SPEG: variants seen among roughly 807,000 people sequenced by gnomAD.
The protein encoded by SPEG is striated muscle enriched protein kinase, also known as striated muscle preferentially expressed protein kinase.
Under a neutral mutation model 300.4 loss-of-function variants are expected in SPEG, and 114 were observed. The ratio of observed to expected loss-of-function variants is 0.38; its 90% CI spans 0.33 to 0.44. SPEG has a LOEUF of 0.44. Ranked by LOEUF, SPEG falls within the 20% of genes least tolerant of loss-of-function variation. The pLI, the probability that SPEG is intolerant of heterozygous loss-of-function variation, is 1.00. For missense variants in SPEG, 4,201 were observed against 4,586.2 expected (o/e 0.92, Z 2.43); for synonymous variants, 1,964 against 2,018.9 (o/e 0.97, Z 0.73).
Position 219,486,631 on chromosome 2 carries a change from C to T in SPEG, c.7741+1154C>T, listed in dbSNP as rs185668805. Among the ~76,000 whole-genome samples the T allele has an allele frequency of 1.6e-4, 25 of 152,304 alleles. 1 individual carries two copies. In the East Asian group the frequency reaches 4.1e-3, roughly 25 times the overall value. ...TCCCGGCCCAGTTTTGCTTATGCAG[C>T]TGATTTCCTGCTGAGGCAGTGTCCC... On this transcript the variant is annotated intron_variant, in intron 31 of 40. Coordinates refer to ENST00000312358, the MANE Select transcript of SPEG (RefSeq NM_005876.5).
At position 219,472,993 on chromosome 2, in the gene SPEG, G is replaced by T; in HGVS notation, c.4044G>T (p.Gly1348=). 3 of 1,614,002 alleles carry T rather than the reference G, an allele frequency of 1.9e-6. No individual in the cohort carries two copies. Among genetic ancestry groups the T allele is most frequent in the Non-Finnish European group, 2.5e-6 (3 of 1,180,024 alleles). Residue 1348 remains glycine, a synonymous_variant, in exon 16 of 41, where the codon GGG becomes GGT. Transcript: ENST00000312358. ...GLREPGWAAT[G]LRKGVQHIFR... Reference sequence around the variant, plus strand: ...GGGAGCCAGGGTGGGCAGCCACAGGGCTGCGTAAGGGGGTCCAGCACATCT... The same window carrying T: ...GGGAGCCAGGGTGGGCAGCCACAGGTCTGCGTAAGGGGGTCCAGCACATCT...
Position 219,473,834 on chromosome 2 carries a change from G to T in SPEG, c.4378G>T (p.Gly1460Trp). 1 of 1,613,820 alleles carries T rather than the reference G, an allele frequency of 6.2e-7. No individual in the cohort carries two copies. Among genetic ancestry groups the T allele is most frequent in the South Asian group, 1.1e-5 (1 of 91,080 alleles). Residue 1460 changes from glycine to tryptophan, a missense_variant, in exon 18 of 41, where the codon GGG (glycine) becomes TGG (tryptophan). Gly to Trp is a radical substitution (Grantham distance 184, BLOSUM62 -2). Around this residue, in one of 4 missense-constraint regions of SPEG, gnomAD observed 1,047 missense variants for 1,356.8 expected, o/e 0.77. Coordinates refer to ENST00000312358, the MANE Select transcript of SPEG (RefSeq NM_005876.5). The surrounding 1 kb of genome is among the most constrained non-coding windows in gnomAD (Gnocchi z 4.6). ...CTGCCGGGTGAGCCGCCGGGACATGGGGGCCCTCACCTGCACCGCCCGAAA... is the reference window on the plus strand; with the variant it reads ...CTGCCGGGTGAGCCGCCGGGACATGTGGGCCCTCACCTGCACCGCCCGAAA... ...RICRVSRRDMGALTCTARNRH... is the reference protein window; with the variant it reads ...RICRVSRRDMWALTCTARNRH...
intron 30 of SPEG, 74 bp downstream of exon 30, chr2:219,485,146 C>T: frequency 2.0e-6 from 3 of 1,512,440 alleles, no homozygotes; most frequent in Non-Finnish European, 2.7e-6. Flanking sequence ...GTGGGAGGAG[C>T]AGAGGGCTGG....
In SPEG at chr2:219,468,902, C is replaced by G. The variant is rs185911101; in HGVS notation, c.3345C>G (p.Asp1115Glu). 6.2e-7 allele frequency: 1 copy of G among 1,613,642 alleles called. No homozygotes were observed. The highest frequency in any genetic ancestry group is 2.2e-5 in the East Asian group (1 of 44,878). ...EESENLRLRQ[D>E]GGLHSLHIAH... Reference sequence around the variant, plus strand: ...GTGAGAACTTGCGGCTGCGGCAGGACGGGGGTCTGCACTCACTGCACATTG... The same window carrying G: ...GTGAGAACTTGCGGCTGCGGCAGGAGGGGGGTCTGCACTCACTGCACATTG... Residue 1115 changes from aspartate (D) to glutamate (E), a missense_variant, in exon 12 of 41, where the codon GAC (aspartate) becomes GAG (glutamate). By Grantham distance (45) the Asp-to-Glu change is conservative. Coordinates refer to ENST00000312358, the MANE Select transcript of SPEG (RefSeq NM_005876.5).
Position 219,492,990 on chromosome 2 carries a change from G to A in SPEG, c.*204G>A, listed in dbSNP as rs1299912870. ...GATGCCACCCCAGGCCAAAGCCAGA[G>A]TGGGAGACCCATTGGTCAGGCTCAG... On this transcript the variant is annotated 3_prime_UTR_variant, in exon 41 of 41. Coordinates refer to ENST00000312358, the MANE Select transcript of SPEG (RefSeq NM_005876.5). 2.8e-6 allele frequency: 2 copies of A among 712,128 alleles called. No homozygotes were observed. Among genetic ancestry groups the A allele is most frequent in the Non-Finnish European group, 5.1e-6 (2 of 394,606 alleles). 44.1% of individuals were successfully genotyped at this position (712,128 alleles called of 1,614,324 possible). A position where few individuals can be genotyped will look rare whatever the true frequency, so the allele number is the denominator to read the frequency against.
At chr2:219,435,388 G>C in intron 1 of SPEG, 23 bp downstream of exon 1, 1 of 1,520,866 alleles carries the variant, frequency 6.6e-7, no homozygotes, top group Non-Finnish European at 8.8e-7. Flanking sequence ...TGGGGGCCGC[G>C]CCCGGCAGGG....
intron 15 of SPEG, 59 bp from the exon 16 acceptor site, chr2:219,472,831 G>T (rs1351194542): frequency 4.8e-6 from 7 of 1,448,100 alleles, no homozygotes; most frequent in Non-Finnish European, 5.6e-6. Context: ...CGGGCCAGCT[G>T]GATGGGGAGG....
At chr2:219,442,434 G>A (rs1461470349) in intron 1 of SPEG, among the ~76,000 whole-genome samples, 3 of 124,406 alleles carry the variant, frequency 2.4e-5, no homozygotes, top group East Asian at 2.6e-4. Context: ...CCCGGGCCCC[G>A]GCCCCCCGCC....
In SPEG at chr2:219,448,380, G is replaced by C. The variant is rs977321273; in HGVS notation, c.1222G>C (p.Glu408Gln). The C allele has an allele frequency of 6.4e-7, 1 of 1,558,506 alleles. No individual in the cohort carries two copies. The highest frequency in any genetic ancestry group is 8.7e-7 in the Non-Finnish European group (1 of 1,154,858). ...CATCCTGGACAAGCTGCAGTTCTTC[G>C]AGGAGCGACGGCGCAGCCTGGAGCG... ...SRILDKLQFF[E>Q]ERRRSLERSD... Residue 408 changes from glutamate (E) to glutamine (Q), a missense_variant, in exon 4 of 41, where the codon GAG (glutamate) becomes CAG (glutamine). Transcript: ENST00000312358.
rs962321437 is a variant in SPEG, at chr2:219,439,405, T to C, written c.388+4040T>C. Among the ~76,000 whole-genome samples, 2 of 151,914 alleles carry C rather than the reference T, an allele frequency of 1.3e-5. No homozygotes were observed. Among genetic ancestry groups the C allele is most frequent in the African/African-American group, 2.4e-5 (1 of 41,328 alleles). The stretch of plus-strand genomic sequence containing the variant: ...GACAATACACAATAAACATAGTAAA[T>C]AGGTAAATTACACAGTATGTCAGAA... On this transcript the variant is annotated intron_variant, in intron 1 of 40. Transcript: ENST00000312358. This position sits in a 1 kb window ranked among gnomAD's most constrained non-coding sequence, Gnocchi z 4.5.
In SPEG at chr2:219,448,956, C is replaced by T. The variant is rs1441087834; in HGVS notation, c.1798C>T (p.Arg600Trp). Residue 600 changes from arginine (R) to tryptophan (W), a missense_variant, in exon 4 of 41, where the codon CGG (arginine) becomes TGG (tryptophan). By Grantham distance (101) the Arg-to-Trp change is moderately radical. Around this residue, in one of 4 missense-constraint regions of SPEG, gnomAD observed 1,258 missense variants for 1,293.9 expected, o/e 0.97. Coordinates refer to ENST00000312358, the MANE Select transcript of SPEG (RefSeq NM_005876.5). ...VRRRDQFPLT[R>W]SRAIQECRSP... ...GCGTCGGGACCAATTCCCGCTGACC[C>T]GGAGCAGAGCCATCCAGGAGTGCAG... 6.6e-7 allele frequency: 1 copy of T among 1,508,638 alleles called. No individual in the cohort carries two copies. The highest frequency in any genetic ancestry group is 1.3e-5 in the South Asian group (1 of 79,412). The allele number at this position is 1,508,638 out of a possible 1,614,324, so 93.5% of individuals were successfully genotyped here. A position where few individuals can be genotyped will look rare whatever the true frequency, so the allele number is the denominator to read the frequency against.
Position 219,483,316 on chromosome 2 carries a change from A to T in SPEG, c.5853A>T (p.Thr1951=). ...PEFSGSRVSL[T]DIPTEDEALG... ...TCTCTGGCTCCCGGGTGTCCCTCAC[A>T]GACATTCCCACTGAGGATGAGGCCC... The change falls in exon 30 of 41, where the codon ACA becomes ACT. Residue 1951 remains threonine (T), a synonymous_variant. Transcript: ENST00000312358. 1 of 1,606,604 alleles carries T rather than the reference A, an allele frequency of 6.2e-7. No individual in the cohort carries two copies. Among genetic ancestry groups the T allele is most frequent in the Non-Finnish European group, 8.5e-7 (1 of 1,176,610 alleles).
chr2:219,460,438 G>A (rs1042860175), intron 6 of SPEG: 3 of 985,318 alleles, frequency 3.0e-6, no homozygotes, highest in Middle Eastern at 5.2e-4. Context: ...ACCTTCTTTG[G>A]TGGACGTGTC....
At position 219,467,250 on chromosome 2, in the gene SPEG, G is replaced by C. The variant is rs1424149570; in HGVS notation, c.2958G>C (p.Leu986=). 1 of 1,607,700 alleles carries C rather than the reference G, an allele frequency of 6.2e-7. No individual in the cohort carries two copies. Among genetic ancestry groups the C allele is most frequent in the Admixed American group, 1.7e-5 (1 of 59,984 alleles). The part of the protein sequence containing the change: ...DVDVGAGEMA[L]FECLVAGPTD... ...ACGTGGGGGCCGGGGAGATGGCGCTGTTTGAGTGCCTGGTGGCGGGGCCCA... is the reference window on the plus strand; with the variant it reads ...ACGTGGGGGCCGGGGAGATGGCGCTCTTTGAGTGCCTGGTGGCGGGGCCCA... The change falls in exon 10 of 41, where the codon CTG becomes CTC. Residue 986 remains leucine (L), a synonymous_variant. Transcript: ENST00000312358.
At position 219,449,088 on chromosome 2, in the gene SPEG, G is replaced by C. The variant is rs1441705516; in HGVS notation, c.1930G>C (p.Ala644Pro). Reference protein sequence around the residue: ...PAQAVRFLPWATPGLEGAAVP... With the variant: ...PAQAVRFLPWPTPGLEGAAVP... Reference sequence around the variant, plus strand: ...GCAGGCCGTGCGCTTCCTGCCCTGGGCCACGCCGGGCCTGGAGGGCGCTGC... The same window carrying C: ...GCAGGCCGTGCGCTTCCTGCCCTGGCCCACGCCGGGCCTGGAGGGCGCTGC... Residue 644 changes from alanine (A) to proline (P), a missense_variant, in exon 4 of 41, where the codon GCC becomes CCC. This residue lies in a region of SPEG where 1,258 missense variants were observed against 1,293.9 expected (regional missense o/e 0.97). Coordinates refer to ENST00000312358, the MANE Select transcript of SPEG (RefSeq NM_005876.5). The C allele has an allele frequency of 4.0e-6, 6 of 1,503,296 alleles. No individual in the cohort carries two copies. The highest frequency in any genetic ancestry group is 1.7e-4 in the Middle Eastern group (1 of 5,784). The allele number at this position is 1,503,296 out of a possible 1,614,324, so 93.1% of individuals were successfully genotyped here. A position where few individuals can be genotyped will look rare whatever the true frequency, so the allele number is the denominator to read the frequency against.
chr2:219,483,103 C>A lies in SPEG; in HGVS notation c.5640C>A (p.Ser1880=). ...LFLSRRRWQR[S]QISYKCHLVL... is the part of the protein sequence containing the mutation. ...CTCCAGTACCCTGTCTCCAGCGCTCCCAGATCAGCTACAAATGCCACCTGG... is the reference window on the plus strand; with the variant it reads ...CTCCAGTACCCTGTCTCCAGCGCTCACAGATCAGCTACAAATGCCACCTGG... Residue 1880 remains serine (S), a synonymous_variant, in exon 30 of 41, where the codon TCC becomes TCA. Transcript: ENST00000312358. 1 of 1,606,198 alleles carries A rather than the reference C, an allele frequency of 6.2e-7. No homozygotes were observed.
Position 219,477,883 on chromosome 2 carries a change from A to T in SPEG, c.4827-22A>T. The T allele has an allele frequency of 2.5e-6, 4 of 1,610,926 alleles. No individual in the cohort carries two copies. The highest frequency in any genetic ancestry group is 3.4e-6 in the Non-Finnish European group (4 of 1,177,726). On this transcript the variant is annotated intron_variant, in intron 21 of 40. Coordinates refer to ENST00000312358, the MANE Select transcript of SPEG (RefSeq NM_005876.5). The surrounding 1 kb of genome is among the most constrained non-coding windows in gnomAD (Gnocchi z 6.4). Reference sequence around the variant, plus strand: ...GGGCCACAGTGATGGCTGATCTCTGACCCCCTCCCTGTGTCAACCAGGGGT... The same window carrying T: ...GGGCCACAGTGATGGCTGATCTCTGTCCCCCTCCCTGTGTCAACCAGGGGT...
intron 4 of SPEG, 62 bp downstream of exon 4, chr2:219,449,333 G>A (rs1559371478): frequency 1.2e-5 from 15 of 1,273,972 alleles, no homozygotes; most frequent in Non-Finnish European, 1.4e-5. Context: ...TTTGTGGAGA[G>A]CAAGACTGCT....
rs1559401028 is a variant in SPEG at position 219,472,219 on chromosome 2, G to A, written c.3836-8G>A. On this transcript the variant is annotated splice_region_variant and splice_polypyrimidine_tract_variant and intron_variant, in intron 14 of 40. Transcript: ENST00000312358. ...GGACCCAGCAGACATTCGAACTGCGGCTTTCAGATGTGGTCCCAGGCCCTC... is the reference window on the plus strand; with the variant it reads ...GGACCCAGCAGACATTCGAACTGCGACTTTCAGATGTGGTCCCAGGCCCTC... The A allele has an allele frequency of 6.2e-7, 1 of 1,613,286 alleles. No individual in the cohort carries two copies. Among genetic ancestry groups the A allele is most frequent in the Admixed American group, 1.7e-5 (1 of 60,014 alleles).
Sources: gnomAD v4.1 joint callset for allele counts (sites outside exome capture counted in the v4.1 genomes callset) on GRCh38, gnomAD v4.1.1 for gene constraint, gnomAD v4.1.1 regional missense constraint, Gnocchi (gnomAD v3.1) non-coding constraint, MANE v1.5 for transcripts, NCBI Gene and HGNC (gene_info 2026-07-23, HGNC 2026-07-21) for gene names.